The following ADGRL3 variants were observed in gnomAD, a reference collection of about 807,000 sequenced individuals.
The protein encoded by ADGRL3 is calcium-independent alpha-latrotoxin receptor 3.
In ADGRL3, 62 loss-of-function variants were observed where a neutral mutation model predicts 153.5. The observed-to-expected ratio is 0.40, with a 90% CI of 0.33 to 0.50. The LOEUF is 0.50. Among genes scored for constraint, ADGRL3 ranks in the 20% least tolerant of loss-of-function variants. The probability of loss-of-function intolerance (pLI) is 0.47; values close to 1 mark genes in which losing one functional copy is unlikely to be tolerated. For synonymous variants in ADGRL3, 710 were observed against 672.5 expected, an observed-to-expected ratio of 1.06 and a Z score of -0.86; for missense variants, 1,641 against 1,859.4, an observed-to-expected ratio of 0.88 and a Z score of 2.16.
chr4:61,529,723 G>GTT (rs531892387), intron 4 of ADGRL3, among the ~76,000 whole-genome samples: 3 of 148,470 alleles, frequency 2.0e-5, no homozygotes, highest in African/African-American at 7.4e-5. Flanking sequence ...TTCAAGACCA[G>GTT]TTTTTTTTTT....
chr4:61,643,831 T>G (rs2093816499), intron 5 of ADGRL3, among the ~76,000 whole-genome samples: 1 of 147,176 alleles, frequency 6.8e-6, no homozygotes, highest in Non-Finnish European at 1.5e-5. Context: ...ATTCCCTCTT[T>G]TTCTATTGAT....
intron 6 of ADGRL3, among the ~76,000 whole-genome samples, chr4:61,714,057 C>T (rs926177866): frequency 3.9e-5 from 6 of 152,096 alleles, no homozygotes; most frequent in African/African-American, 1.2e-4. Context: ...CTATGGAATG[C>T]GTAAATGTTA....
In ADGRL3 at chr4:61,767,049, G is replaced by A. The variant is rs553617530; in HGVS notation, c.1399+33495G>A. ...GTGTGCTGTGGGATGGGATATTGGC[G>A]TTGAGTGGGGTAAGGGTGATTAGGT... On this transcript the variant is annotated intron_variant, in intron 8 of 26. Coordinates refer to ENST00000683033, the MANE Select transcript of ADGRL3 (RefSeq NM_001387552.1). Among the ~76,000 whole-genome samples the A allele has an allele frequency of 4.7e-4, 71 of 150,558 alleles. No homozygotes were observed. In the South Asian group the frequency reaches 8.1e-3, roughly 17 times the overall value.
chr4:61,415,152 T>G (rs1374994454), intron 2 of ADGRL3, among the ~76,000 whole-genome samples: 1 of 151,880 alleles, frequency 6.6e-6, no homozygotes, highest in Non-Finnish European at 1.5e-5. Flanking sequence ...AATACATTAG[T>G]TCAGGAATGT....
intron 21 of ADGRL3, among the ~76,000 whole-genome samples, chr4:62,020,502 C>G (rs1027581959): frequency 1.3e-5 from 2 of 152,008 alleles, no homozygotes; most frequent in African/African-American, 2.4e-5. Context: ...TAAGGTATGT[C>G]AACTTGCTAA....
At chr4:61,772,883 C>T (rs1038813137) in intron 8 of ADGRL3, among the ~76,000 whole-genome samples, 2 of 152,122 alleles carry the variant, frequency 1.3e-5, no homozygotes, top group African/African-American at 4.8e-5. Flanking sequence ...CCTACTAAAA[C>T]CCATGTTTTC....
At chr4:61,771,766 C>G (rs977114555) in intron 8 of ADGRL3, among the ~76,000 whole-genome samples, 1 of 111,644 alleles carries the variant, frequency 9.0e-6, no homozygotes, top group Non-Finnish European at 1.7e-5. Flanking sequence ...CCATGTGACT[C>G]AAAATCAAAA....
intron 1 of ADGRL3, among the ~76,000 whole-genome samples, chr4:61,358,245 G>T (rs373055629): frequency 1.3e-5 from 2 of 152,128 alleles, no homozygotes; most frequent in African/African-American, 4.8e-5. Flanking sequence ...ATTTTAAAAT[G>T]TAAGTTGTAT....
intron 5 of ADGRL3, among the ~76,000 whole-genome samples, chr4:61,597,555 G>A (rs2098994082): frequency 6.6e-6 from 1 of 151,796 alleles, no homozygotes; most frequent in South Asian, 2.1e-4. Context: ...ATTTATGACA[G>A]TTCTTTACCA....
At chr4:61,907,869 C>G (rs907029125) in intron 11 of ADGRL3, among the ~76,000 whole-genome samples, 2 of 152,254 alleles carry the variant, frequency 1.3e-5, no homozygotes, top group Admixed American at 6.5e-5. Flanking sequence ...CCATAAATAT[C>G]TAGAAGCTAG....
chr4:61,474,898 C>T (rs891097688), intron 2 of ADGRL3, among the ~76,000 whole-genome samples: 29 of 152,000 alleles, frequency 1.9e-4, no homozygotes, highest in African/African-American at 5.1e-4. Flanking sequence ...TTGAAGTTGC[C>T]GGTTAAATTA....
chr4:61,717,068 ATTGT>A (rs2096130813), intron 6 of ADGRL3, among the ~76,000 whole-genome samples: 1 of 152,100 alleles, frequency 6.6e-6, no homozygotes, highest in Non-Finnish European at 1.5e-5. Context: ...TTAAGATGTA[ATTGT>A]TTGTGGTTAG....
At chr4:61,770,073 A>G (rs554969621) in intron 8 of ADGRL3, among the ~76,000 whole-genome samples, 1 of 152,328 alleles carries the variant, frequency 6.6e-6, no homozygotes, top group African/African-American at 2.4e-5. Flanking sequence ...TCAAACAGAG[A>G]TCTTAGAGTT....
intron 17 of ADGRL3, among the ~76,000 whole-genome samples, chr4:61,974,738 C>T (rs2099042013): frequency 6.6e-6 from 1 of 152,154 alleles, no homozygotes; most frequent in Admixed American, 6.5e-5. Context: ...CTCAAGATTC[C>T]TCTTATTTAC....
intron 1 of ADGRL3, among the ~76,000 whole-genome samples, chr4:61,319,638 C>A (rs560469540): frequency 1.4e-4 from 21 of 152,108 alleles, no homozygotes; most frequent in Non-Finnish European, 3.1e-4. Flanking sequence ...ATTAATGTAT[C>A]TCATTGAGCT....
chr4:61,640,673 A>G (rs1265991312), intron 5 of ADGRL3, among the ~76,000 whole-genome samples: 2 of 152,208 alleles, frequency 1.3e-5, no homozygotes, highest in African/African-American at 4.8e-5. Context: ...TTGTTTGCAT[A>G]TAACACTTTT....
intron 1 of ADGRL3, among the ~76,000 whole-genome samples, chr4:61,222,480 A>G: frequency 6.6e-6 from 1 of 152,128 alleles, no homozygotes; most frequent in Admixed American, 6.5e-5. Flanking sequence ...GGGTAAGACA[A>G]ACTGCTTGCT....
At chr4:61,866,338 G>C (rs1366234965) in intron 9 of ADGRL3, among the ~76,000 whole-genome samples, 2 of 152,196 alleles carry the variant, frequency 1.3e-5, no homozygotes, top group Non-Finnish European at 2.9e-5. Flanking sequence ...AGAGAGGAGA[G>C]AAGAGATGCC....
chr4:61,456,494 T>G (rs937810508), intron 2 of ADGRL3, among the ~76,000 whole-genome samples: 3 of 134,540 alleles, frequency 2.2e-5, no homozygotes, highest in African/African-American at 8.0e-5. Context: ...TATAGATATA[T>G]CTATATCTAT....
Sources: gnomAD v4.1 joint callset for allele counts (sites outside exome capture counted in the v4.1 genomes callset) on GRCh38, gnomAD v4.1.1 for gene constraint, MANE v1.5 for transcripts, NCBI Gene and HGNC (gene_info 2026-07-23, HGNC 2026-07-21) for gene names.